Variants in CAST observed in about 807,000 individuals in gnomAD.
The protein encoded by CAST is calpastatin, also known as MIR583 host.
Under a neutral mutation model 119.6 loss-of-function variants are expected in CAST, and 76 were observed. The ratio of observed to expected loss-of-function variants is 0.64; its 90% CI spans 0.53 to 0.77. CAST has a LOEUF of 0.77. CAST is among the 30% of genes least tolerant of loss of function. The probability of loss-of-function intolerance (pLI) is 0.00; values close to 1 mark genes in which losing one functional copy is unlikely to be tolerated. For missense variants in CAST, 953 were observed against 946.5 expected (o/e 1.01, Z -0.09); for synonymous variants, 319 against 331.6 (o/e 0.96, Z 0.41).
At chr5:96,706,336 G>C (rs1416464883) in intron 3 of CAST, among the ~76,000 whole-genome samples, 1 of 152,082 alleles carries the variant, frequency 6.6e-6, no homozygotes, top group African/African-American at 2.4e-5. Context: ...TGGAGTTTCT[G>C]CAATTGGCCA....
At chr5:96,533,723 T>C (rs261973) in intron 1 of CAST, among the ~76,000 whole-genome samples, 47,705 of 152,064 alleles carry the variant, frequency 0.31, 8,106 homozygotes, top group Middle Eastern at 0.43. Flanking sequence ...AGCAAAAATA[T>C]TAACTTTATT....
chr5:96,288,956 C>T, the CAST span, among the ~76,000 whole-genome samples: 1 of 151,946 alleles, frequency 6.6e-6, no homozygotes, highest in Non-Finnish European at 1.5e-5. Flanking sequence ...GGCTTTTTCC[C>T]TTACATCCTG....
the CAST span, among the ~76,000 whole-genome samples, chr5:96,138,968 G>T: frequency 2.0e-5 from 3 of 151,898 alleles, no homozygotes; most frequent in Non-Finnish European, 4.4e-5. Flanking sequence ...ATGCTTAAAG[G>T]AGTGGTGAGA....
chr5:96,616,753 TACACACACACACACACAC>T (rs377159898), intron 1 of CAST, among the ~76,000 whole-genome samples: 18 of 130,738 alleles, frequency 1.4e-4, no homozygotes, highest in East Asian at 9.1e-4. Flanking sequence ...TCTATATATA[TACACACACACACACACAC>T]ACACACACAC....
the CAST span, among the ~76,000 whole-genome samples, chr5:96,154,289 AC>A: frequency 6.6e-6 from 1 of 150,450 alleles, no homozygotes. Flanking sequence ...AAAAACAACA[AC>A]AAAAAAAAAA....
the CAST span, among the ~76,000 whole-genome samples, chr5:96,132,442 T>A: frequency 6.6e-6 from 1 of 152,230 alleles, no homozygotes; most frequent in African/African-American, 2.4e-5. Context: ...TAGGTATTTT[T>A]AAAAATACAA....
chr5:96,321,580 G>A, the CAST span, among the ~76,000 whole-genome samples: 1 of 152,004 alleles, frequency 6.6e-6, no homozygotes, highest in Non-Finnish European at 1.5e-5. Context: ...CAAGATTATT[G>A]GGCCATTAAT....
intron 1 of CAST, among the ~76,000 whole-genome samples, chr5:96,623,974 T>C (rs1453794492): frequency 2.0e-5 from 3 of 152,258 alleles, no homozygotes; most frequent in South Asian, 2.1e-4. Flanking sequence ...GCTAGGATTA[T>C]AGGTGGGAGC....
chr5:96,064,832 G>A, the CAST span, among the ~76,000 whole-genome samples: 3 of 152,142 alleles, frequency 2.0e-5, no homozygotes, highest in South Asian at 6.2e-4. Flanking sequence ...TCTGATTCTT[G>A]CCCTTGGTAA....
the CAST span, among the ~76,000 whole-genome samples, chr5:96,027,459 A>G: frequency 6.6e-6 from 1 of 152,288 alleles, no homozygotes; most frequent in South Asian, 2.1e-4. Context: ...GGGCCAGTGA[A>G]GAAATAGAGA....
At chr5:96,468,058 A>T in the CAST span, among the ~76,000 whole-genome samples, 1 of 152,116 alleles carries the variant, frequency 6.6e-6, no homozygotes, top group Non-Finnish European at 1.5e-5. Flanking sequence ...ACTCAGCCAA[A>T]AAAAGCCTCC....
the CAST span, among the ~76,000 whole-genome samples, chr5:96,379,025 T>C: frequency 1.4e-3 from 207 of 152,310 alleles, no homozygotes; most frequent in African/African-American, 4.9e-3. Context: ...TGTGCCATAA[T>C]TGATTCGTGC....
the CAST span, among the ~76,000 whole-genome samples, chr5:96,363,947 C>G: frequency 1.3e-5 from 2 of 152,154 alleles, no homozygotes; most frequent in East Asian, 3.8e-4. Flanking sequence ...TTTGCCCATT[C>G]AGTATGATAT....
the CAST span, among the ~76,000 whole-genome samples, chr5:96,108,599 A>C: frequency 1.3e-5 from 2 of 152,194 alleles, no homozygotes; most frequent in Non-Finnish European, 2.9e-5. Context: ...CTCCAGCTGC[A>C]TTCTGGGAGA....
chr5:95,988,732 A>G, the CAST span, among the ~76,000 whole-genome samples: 3 of 152,288 alleles, frequency 2.0e-5, no homozygotes, highest in South Asian at 6.2e-4. Context: ...AAATGTTGGT[A>G]ACCACACCTC....
At chr5:96,170,052 T>A in the CAST span, among the ~76,000 whole-genome samples, 1 of 152,052 alleles carries the variant, frequency 6.6e-6, no homozygotes, top group Non-Finnish European at 1.5e-5. Context: ...CTGTATTGAT[T>A]AAGAAGGGTA....
intron 9 of CAST, among the ~76,000 whole-genome samples, chr5:96,731,473 G>GTTTTTTTTTTTTTTTTTGT (rs1760479841): frequency 8.9e-6 from 1 of 112,760 alleles, no homozygotes; most frequent in African/African-American, 3.4e-5. Context: ...ATCCTTTAAG[G>GTTTTTTTTTTTTTTTTTGT]TTTTTTTTTT....
chr5:96,408,249 G>A, the CAST span: 1 of 1,613,974 alleles, frequency 6.2e-7, no homozygotes, highest in South Asian at 1.1e-5. Context: ...GAGCGAAGAT[G>A]CCAGCAGCCA....
the CAST span, among the ~76,000 whole-genome samples, chr5:96,446,122 G>T: frequency 6.7e-6 from 1 of 149,672 alleles, no homozygotes; most frequent in African/African-American, 2.5e-5. Context: ...TCTCTTTAAA[G>T]TGCTGCGATT....
Sources: gnomAD v4.1 joint callset for allele counts (sites outside exome capture counted in the v4.1 genomes callset) on GRCh38, gnomAD v4.1.1 for gene constraint, MANE v1.5 for transcripts, NCBI Gene and HGNC (gene_info 2026-07-23, HGNC 2026-07-21) for gene names.